Variants in UGT1A8 observed in about 807,000 individuals in gnomAD.
The protein encoded by UGT1A8 is UDP-glucuronosyltransferase 1A8.
UGT1A8 carries 39 observed loss-of-function variants against 45.3 expected under a neutral mutation model. That is an observed-to-expected ratio of 0.86 (90% CI 0.67 to 1.12). The LOEUF is 1.12. Ranked by LOEUF, UGT1A8 falls within the 50% of genes most tolerant of loss-of-function variation. The pLI is 0.00. For synonymous variants in UGT1A8, 275 were observed against 249.2 expected (o/e 1.10, Z -0.97); for missense variants, 719 against 664.9 (o/e 1.08, Z -0.90).
At chr2:233,714,493 C>T (rs566315166) in intron 1 of UGT1A8, among the ~76,000 whole-genome samples, 3 of 152,194 alleles carry the variant, frequency 2.0e-5, no homozygotes, top group South Asian at 2.1e-4. Flanking sequence ...TGTGAAGACA[C>T]TACTTAAAAA....
intron 1 of UGT1A8, among the ~76,000 whole-genome samples, chr2:233,639,201 C>G (rs2073383173): frequency 6.6e-6 from 1 of 152,074 alleles, no homozygotes; most frequent in Admixed American, 6.5e-5. Flanking sequence ...TTGTAAATAT[C>G]TTTTATGAGA....
At chr2:233,658,861 G>A (rs1213231318) in intron 1 of UGT1A8, among the ~76,000 whole-genome samples, 1 of 152,074 alleles carries the variant, frequency 6.6e-6, no homozygotes, top group Non-Finnish European at 1.5e-5. Context: ...TTATAGCTTT[G>A]TAATGTCTTG....
chr2:233,759,224 T>C (rs1471050247), intron 1 of UGT1A8, among the ~76,000 whole-genome samples: 1 of 152,116 alleles, frequency 6.6e-6, no homozygotes, highest in Non-Finnish European at 1.5e-5. Flanking sequence ...TTTATGCAAA[T>C]GAAGGATGGA....
intron 1 of UGT1A8, among the ~76,000 whole-genome samples, chr2:233,634,731 C>T (rs1448175818): frequency 7.1e-6 from 1 of 141,022 alleles, no homozygotes; most frequent in African/African-American, 2.7e-5. Flanking sequence ...ATGCAGCACA[C>T]TGATGGGTCT....
intron 1 of UGT1A8, chr2:233,747,259 G>C (rs1240117777): frequency 7.1e-5 from 114 of 1,600,384 alleles, no homozygotes; most frequent in Non-Finnish European, 9.2e-5. Flanking sequence ...GGCCACAGGA[G>C]TGCTACTCCT....
At chr2:233,671,710 C>A in intron 1 of UGT1A8, 2 of 970,568 alleles carry the variant, frequency 2.1e-6, no homozygotes, top group Non-Finnish European at 2.8e-6. Flanking sequence ...AGGCAAAGAC[C>A]ATAAGCTACT....
intron 1 of UGT1A8, among the ~76,000 whole-genome samples, chr2:233,700,533 G>A (rs1285973817): frequency 3.3e-5 from 5 of 152,126 alleles, no homozygotes; most frequent in Non-Finnish European, 4.4e-5. Flanking sequence ...ATAACTCTAG[G>A]AGAATGAGAA....
In UGT1A8 at chr2:233,767,864, A is replaced by T; in HGVS notation, c.1003A>T (p.Thr335Ser). The change falls in exon 3 of 5, where the codon ACT (threonine) becomes TCT (serine). Residue 335 changes from threonine to serine, a missense_variant. Thr to Ser is a moderately conservative substitution (Grantham distance 58). Coordinates refer to ENST00000373450, the MANE Select transcript of UGT1A8 (RefSeq NM_019076.5). The part of the protein sequence containing the change: ...KIPQTVLWRY[T>S]GTRPSNLANN... Reference sequence around the variant, plus strand: ...CCCCTCCCAGGTCCTGTGGCGGTACACTGGAACCCGACCATCGAATCTTGC... The same window carrying T: ...CCCCTCCCAGGTCCTGTGGCGGTACTCTGGAACCCGACCATCGAATCTTGC... 1 of 1,614,144 alleles carries T rather than the reference A, an allele frequency of 6.2e-7. No individual in the cohort carries two copies. Among genetic ancestry groups the T allele is most frequent in the Non-Finnish European group, 8.5e-7 (1 of 1,180,042 alleles).
chr2:233,692,971 CTT>C (rs2075123431), intron 1 of UGT1A8: 4 of 1,611,844 alleles, frequency 2.5e-6, no homozygotes, highest in South Asian at 2.2e-5. Flanking sequence ...AGTGAAAACT[CTT>C]TATTACCGTT....
chr2:233,666,702 G>A (rs1425061485), intron 1 of UGT1A8, among the ~76,000 whole-genome samples: 2 of 151,680 alleles, frequency 1.3e-5, no homozygotes, highest in Non-Finnish European at 2.9e-5. Context: ...ACAATGTGCA[G>A]GTTAGTTACA....
At position 233,618,307 on chromosome 2, in the gene UGT1A8, C is replaced by T. The variant is rs1575379808; in HGVS notation, c.600C>T (p.Ala200=). The part of the protein sequence containing the change: ...VPRILLGFSD[A]MTFKERVRNH... ...GAATTCTCTTAGGGTTCTCAGATGCCATGACTTTCAAGGAGAGAGTACGGA... is the reference window on the plus strand; with the variant it reads ...GAATTCTCTTAGGGTTCTCAGATGCTATGACTTTCAAGGAGAGAGTACGGA... Residue 200 remains alanine (A), a synonymous_variant, in exon 1 of 5, where the codon GCC becomes GCT. Coordinates refer to ENST00000373450, the MANE Select transcript of UGT1A8 (RefSeq NM_019076.5). The T allele has an allele frequency of 6.2e-6, 10 of 1,613,800 alleles. No individual in the cohort carries two copies. The East Asian group carries it at 2.2e-4, about 36-fold the overall frequency.
chr2:233,623,427 G>T (rs2073043867), intron 1 of UGT1A8, among the ~76,000 whole-genome samples: 1 of 152,074 alleles, frequency 6.6e-6, no homozygotes, highest in African/African-American at 2.4e-5. Context: ...AGTTCTCCTT[G>T]AAGAGGTCTT....
chr2:233,682,275 C>G (rs1361366825), intron 1 of UGT1A8: 1 of 1,614,028 alleles, frequency 6.2e-7, no homozygotes, highest in African/African-American at 1.3e-5. Context: ...ACAAGTTCAT[C>G]CAATGGTATT....
Position 233,769,688 on chromosome 2 carries a change from C to A in UGT1A8, c.1295+1249C>A, listed in dbSNP as rs1385163206. 2.6e-6 allele frequency: 4 copies of A among 1,552,874 alleles called. No homozygotes were observed. The African/African-American group carries it at 5.4e-5, about 21-fold the overall frequency. Reference sequence around the variant, plus strand: ...AGGTGCTAATGTGTGTGTGGTGGCACTGGATAAAAGATCAATGTTGGCTAG... The same window carrying A: ...AGGTGCTAATGTGTGTGTGGTGGCAATGGATAAAAGATCAATGTTGGCTAG... On this transcript the variant is annotated intron_variant, in intron 4 of 4. Coordinates refer to ENST00000373450, the MANE Select transcript of UGT1A8 (RefSeq NM_019076.5). This position sits in a 1 kb window ranked among gnomAD's most constrained non-coding sequence, Gnocchi z 4.4.
At chr2:233,696,453 T>A (rs1380414494) in intron 1 of UGT1A8, among the ~76,000 whole-genome samples, 1 of 152,248 alleles carries the variant, frequency 6.6e-6, no homozygotes, top group East Asian at 1.9e-4. Flanking sequence ...TAAATGCTAC[T>A]GATTTTTGTA....
At chr2:233,707,880 G>A (rs2075992428) in intron 1 of UGT1A8, among the ~76,000 whole-genome samples, 1 of 152,146 alleles carries the variant, frequency 6.6e-6, no homozygotes, top group South Asian at 2.1e-4. Context: ...TGATTGCTAA[G>A]GCATTAGTTA....
chr2:233,717,412 C>T (rs961485519), intron 1 of UGT1A8, among the ~76,000 whole-genome samples: 22 of 152,222 alleles, frequency 1.4e-4, no homozygotes, highest in African/African-American at 5.3e-4. Context: ...ATATGCCTCC[C>T]TTGAGCTGGG....
chr2:233,625,745 C>T (rs1174661194), intron 1 of UGT1A8, among the ~76,000 whole-genome samples: 1 of 151,636 alleles, frequency 6.6e-6, no homozygotes, highest in Non-Finnish European at 1.5e-5. Context: ...ATAGTGGGTA[C>T]TCATGGGCAT....
At chr2:233,702,292 G>A (rs1184816211) in intron 1 of UGT1A8, among the ~76,000 whole-genome samples, 1 of 152,066 alleles carries the variant, frequency 6.6e-6, no homozygotes, top group Admixed American at 6.5e-5. Flanking sequence ...AGCATAAAGA[G>A]TTTTGTATAT....
Sources: allele counts gnomAD v4.1 joint callset (sites outside exome capture counted in the v4.1 genomes callset), GRCh38; gene constraint gnomAD v4.1.1; non-coding constraint Gnocchi (gnomAD v3.1); transcripts MANE v1.5; gene names NCBI Gene and HGNC (gene_info 2026-07-23, HGNC 2026-07-21).